WASF3: variants seen among roughly 807,000 people sequenced by gnomAD.
WASF3 encodes the protein WASP family member 3, also known as actin-binding protein WASF3.
WASF3 carries 11 observed loss-of-function variants against 46.6 expected under a neutral mutation model. The ratio of observed to expected loss-of-function variants is 0.24; its 90% CI spans 0.15 to 0.39. The LOEUF is 0.39. Among genes scored for constraint, WASF3 ranks in the 10% least tolerant of loss-of-function variants. WASF3 has a pLI of 1.00. For synonymous variants in WASF3, 242 were observed against 259.7 expected, an observed-to-expected ratio of 0.93 and a Z score of 0.65; for missense variants, 576 against 669.8, an observed-to-expected ratio of 0.86 and a Z score of 1.55.
At chr13:26,617,093 G>A (rs532663782) in intron 2 of WASF3, among the ~76,000 whole-genome samples, 9 of 151,802 alleles carry the variant, frequency 5.9e-5, no homozygotes, top group African/African-American at 1.7e-4. Context: ...CAACTTTTCC[G>A]TGTTTTCTTT....
intron 2 of WASF3, among the ~76,000 whole-genome samples, chr13:26,624,021 A>G (rs1881389791): frequency 6.6e-6 from 1 of 152,258 alleles, no homozygotes; most frequent in Non-Finnish European, 1.5e-5. Flanking sequence ...TCATTGCTGG[A>G]CAAGAAATAC....
chr13:26,683,896 A>G (rs1173432254), intron 9 of WASF3, among the ~76,000 whole-genome samples: 2 of 152,136 alleles, frequency 1.3e-5, no homozygotes, highest in African/African-American at 4.8e-5. Context: ...CCAGGTCCCA[A>G]CCCAGGTTGG....
At chr13:26,676,171 G>A (rs577220972) in intron 6 of WASF3, among the ~76,000 whole-genome samples, 1 of 152,308 alleles carries the variant, frequency 6.6e-6, no homozygotes, top group East Asian at 1.9e-4. Flanking sequence ...AGTCAAAATT[G>A]TGTGGTGGCG....
intron 2 of WASF3, among the ~76,000 whole-genome samples, chr13:26,634,521 CT>C (rs2137268549): frequency 6.6e-6 from 1 of 152,284 alleles, no homozygotes; most frequent in South Asian, 2.1e-4. Context: ...CAATTTGATC[CT>C]GTCATTATGA....
chr13:26,653,909 T>G (rs2137437793), intron 3 of WASF3, among the ~76,000 whole-genome samples: 1 of 152,156 alleles, frequency 6.6e-6, no homozygotes, highest in Middle Eastern at 3.4e-3. Context: ...GATTTCTTTC[T>G]CTCTTTGCCA....
At chr13:26,665,188 G>C in intron 4 of WASF3, 26 bp downstream of exon 4, 2 of 1,610,144 alleles carry the variant, frequency 1.2e-6, no homozygotes, top group Non-Finnish European at 1.7e-6. Context: ...AAAGCAGTGA[G>C]CTAGAAGTGA....
chr13:26,566,062 A>G (rs925336973), intron 1 of WASF3, among the ~76,000 whole-genome samples: 2 of 152,216 alleles, frequency 1.3e-5, no homozygotes, highest in Admixed American at 1.3e-4. Context: ...CTTGCCACAC[A>G]GGAGTTTAGA....
At chr13:26,646,078 A>G (rs1380206095) in intron 3 of WASF3, among the ~76,000 whole-genome samples, 1 of 152,250 alleles carries the variant, frequency 6.6e-6, no homozygotes, top group Non-Finnish European at 1.5e-5. Context: ...GATAAGTCAC[A>G]TCAACATGAT....
intron 8 of WASF3, 151 bp downstream of exon 8, chr13:26,681,471 G>T: frequency 3.0e-6 from 3 of 1,005,638 alleles, no homozygotes; most frequent in Non-Finnish European, 4.2e-6. Context: ...AACATTCTGT[G>T]TGAAATAAAG....
chr13:26,542,509 A>T, the WASF3 span, among the ~76,000 whole-genome samples: 3 of 152,242 alleles, frequency 2.0e-5, no homozygotes, highest in African/African-American at 7.2e-5. Context: ...CTTGGCAAAT[A>T]AACTATAAAT....
At chr13:26,620,736 G>A (rs1342406065) in intron 2 of WASF3, 1 of 152,190 alleles carries the variant, frequency 6.6e-6, no homozygotes, top group African/African-American at 2.4e-5. Flanking sequence ...AAACCCTGGT[G>A]GAGAGAAATC....
At chr13:26,667,158 G>A (rs1159820626) in intron 4 of WASF3, among the ~76,000 whole-genome samples, 2 of 152,060 alleles carry the variant, frequency 1.3e-5, no homozygotes, top group African/African-American at 2.4e-5. Context: ...TTGTTTGAAC[G>A]GTGTTTTCCT....
At chr13:26,556,592 A>G (rs1353201798), upstream of WASF3, among the ~76,000 whole-genome samples, 1 of 152,242 alleles carries the variant, frequency 6.6e-6, no homozygotes, top group East Asian at 1.9e-4. Context: ...GAAGTAATGC[A>G]GGTTAATAGA....
At chr13:26,573,299 C>CT (rs1879694559) in intron 1 of WASF3, among the ~76,000 whole-genome samples, 1 of 151,882 alleles carries the variant, frequency 6.6e-6, no homozygotes, top group South Asian at 2.1e-4. Flanking sequence ...TATATTTTAT[C>CT]TTTTTTGTAT....
chr13:26,675,210 T>C (rs1229372043), intron 6 of WASF3, among the ~76,000 whole-genome samples: 1 of 152,178 alleles, frequency 6.6e-6, no homozygotes, highest in East Asian at 1.9e-4. Context: ...CTTCTTGTTC[T>C]TTAATGGGTT....
intron 9 of WASF3, among the ~76,000 whole-genome samples, chr13:26,683,721 C>T (rs1883315839): frequency 6.6e-6 from 1 of 151,976 alleles, no homozygotes; most frequent in South Asian, 2.1e-4. Context: ...TAATATTCAA[C>T]AGCATAACCC....
intron 3 of WASF3, among the ~76,000 whole-genome samples, chr13:26,656,195 T>C (rs2137443332): frequency 6.6e-6 from 1 of 152,320 alleles, no homozygotes; most frequent in African/African-American, 2.4e-5. Context: ...AATTTAGAGG[T>C]GTGAGACAAA....
rs1172559776 is a variant in WASF3 at position 26,562,852 on chromosome 13, CCCTCT to C, written c.-109+5038_-109+5042del. Among the ~76,000 whole-genome samples the C allele has an allele frequency of 4.8e-4, 22 of 45,816 alleles. No homozygotes were observed. The East Asian group carries it at 0.013, about 27-fold the overall frequency. The allele number at this position is 45,816 out of a possible 152,430, so 30.1% of individuals were successfully genotyped here. A position where few individuals can be genotyped will look rare whatever the true frequency, so the allele number is the denominator to read the frequency against. On this transcript the variant is annotated intron_variant, in intron 1 of 9. Coordinates refer to ENST00000335327, the MANE Select transcript of WASF3 (RefSeq NM_006646.6). The stretch of plus-strand genomic sequence containing the variant: ...TAGGCTGATTTCCTCCCCTCCCCTC[CCCTCT>C]CCTCCCCTCCTCCCTCCCTTCCCCT...
intron 2 of WASF3, chr13:26,626,293 C>T (rs1377644931): frequency 6.6e-6 from 1 of 152,256 alleles, no homozygotes; most frequent in African/African-American, 2.4e-5. Context: ...TGAAGATAGC[C>T]AGGGTGATGC....
Sources: allele counts gnomAD v4.1 joint callset (sites outside exome capture counted in the v4.1 genomes callset), GRCh38; gene constraint gnomAD v4.1.1; transcripts MANE v1.5; gene names NCBI Gene and HGNC (gene_info 2026-07-23, HGNC 2026-07-21).